The following CFAP69 variants were observed in gnomAD, a reference collection of about 807,000 sequenced individuals.
CFAP69 encodes the protein cilia- and flagella-associated protein 69.
CFAP69 carries 92 observed loss-of-function variants against 123.0 expected under a neutral mutation model. That is an observed-to-expected ratio of 0.75 (90% CI 0.63 to 0.89). The LOEUF (loss-of-function observed/expected upper bound fraction) is 0.89, where lower values mean the gene tolerates loss of function less well. Among genes scored for constraint, CFAP69 ranks in the 40% least tolerant of loss-of-function variants. The pLI is 0.00. For missense variants in CFAP69, 1,067 were observed against 1,096.9 expected (o/e 0.97, Z 0.39); for synonymous variants, 380 against 364.3 (o/e 1.04, Z -0.49).
At chr7:90,311,897 G>A (rs545158187), downstream of CFAP69, among the ~76,000 whole-genome samples, 2 of 152,200 alleles carry the variant, frequency 1.3e-5, no homozygotes, top group East Asian at 1.9e-4. Context: ...ATATTAGAAG[G>A]CATAATTTGT....
At chr7:90,287,491 A>G in intron 14 of CFAP69, 1 of 985,378 alleles carries the variant, frequency 1.0e-6, no homozygotes, top group Non-Finnish European at 1.2e-6. Context: ...ATCCCCTTTT[A>G]TCTTTTTTAG....
the CFAP69 span, chr7:90,319,307 A>G: frequency 5.0e-6 from 2 of 398,400 alleles, no homozygotes; most frequent in African/African-American, 4.1e-5. Context: ...TTAAATAGTG[A>G]CTTTTAAAGA....
rs531474543 is a variant in CFAP69, at chr7:90,274,220, T to A, written c.984+110T>A. 1.2e-5 allele frequency: 16 copies of A among 1,281,228 alleles called. No homozygotes were observed. The African/African-American group carries it at 1.5e-4, about 12-fold the overall frequency. 79.4% of individuals were successfully genotyped at this position (1,281,228 alleles called of 1,614,324 possible). On this transcript the variant is annotated intron_variant, in intron 9 of 22. Coordinates refer to ENST00000389297, the MANE Select transcript of CFAP69 (RefSeq NM_001039706.3). ...TGTGTATTTTCTTGTAATGCTAAGTTATGCTGTAATATCTTGATGGTCACC... is the reference window on the plus strand; with the variant it reads ...TGTGTATTTTCTTGTAATGCTAAGTAATGCTGTAATATCTTGATGGTCACC...
At chr7:90,315,272 A>G (rs1794697724), downstream of CFAP69, among the ~76,000 whole-genome samples, 1 of 152,186 alleles carries the variant, frequency 6.6e-6, no homozygotes, top group Admixed American at 6.5e-5. Context: ...TCAGGGGAAT[A>G]TAAATCATTC....
chr7:90,309,277 T>G lies in CFAP69; in HGVS notation c.2565T>G (p.Leu855=). Residue 855 remains leucine (L), a synonymous_variant, in exon 22 of 23, where the codon CTT becomes CTG. Transcript: ENST00000389297. The part of the protein sequence containing the change: ...NAKTLKKAKS[L]QEKAIEASRY... ...AAAATCCTCAGAAAGCAAAAAGCCT[T>G]CAAGAAAAAGCTATAGAAGCCTCCA... 2 of 1,536,426 alleles carry G rather than the reference T, an allele frequency of 1.3e-6. No homozygotes were observed. The highest frequency in any genetic ancestry group is 1.8e-6 in the Non-Finnish European group (2 of 1,141,850).
At chr7:90,317,182 G>T in the CFAP69 span, 1 of 151,862 alleles carries the variant, frequency 6.6e-6, no homozygotes, top group Non-Finnish European at 1.5e-5. Flanking sequence ...TTCTTGGCAA[G>T]ATTAACTCAA....
At chr7:90,293,136 C>T (rs560751849) in intron 15 of CFAP69, among the ~76,000 whole-genome samples, 8 of 152,140 alleles carry the variant, frequency 5.3e-5, no homozygotes, top group Non-Finnish European at 1.2e-4. Context: ...ATACCAATAA[C>T]ACATTTATGC....
At chr7:90,321,511 G>A in the CFAP69 span, among the ~76,000 whole-genome samples, 1 of 152,214 alleles carries the variant, frequency 6.6e-6, no homozygotes, top group Non-Finnish European at 1.5e-5. Context: ...AAGGCTCAGG[G>A]TCTTCTTCGC....
chr7:90,286,545 G>A, intron 14 of CFAP69, 146 bp downstream of exon 14: 1 of 789,068 alleles, frequency 1.3e-6, no homozygotes, highest in Middle Eastern at 3.6e-4. Flanking sequence ...AAAGTAAAAG[G>A]TACAGAATAT....
intron 19 of CFAP69, among the ~76,000 whole-genome samples, chr7:90,306,375 A>G (rs992806435): frequency 4.6e-5 from 7 of 152,202 alleles, no homozygotes; most frequent in African/African-American, 1.4e-4. Flanking sequence ...AGCCACTGAC[A>G]TGATGGAACC....
rs2117395442 is a variant in CFAP69 at position 90,304,125 on chromosome 7, A to AT, written c.2188+22dup. The stretch of plus-strand genomic sequence containing the variant: ...AAACTAGGTAAGAAGTTCTCTTCAA[A>AT]TTTGCAAGAGTCTGTTTTGCTAAGT... On this transcript the variant is annotated intron_variant, in intron 18 of 22. Coordinates refer to ENST00000389297, the MANE Select transcript of CFAP69 (RefSeq NM_001039706.3). 1 of 1,542,494 alleles carries AT rather than the reference A, an allele frequency of 6.5e-7. No homozygotes were observed. The highest frequency in any genetic ancestry group is 2.0e-5 in the Admixed American group (1 of 49,984).
chr7:90,312,283 C>G (rs1195048965), downstream of CFAP69, among the ~76,000 whole-genome samples: 1 of 152,176 alleles, frequency 6.6e-6, no homozygotes, highest in Non-Finnish European at 1.5e-5. Context: ...GTATTTACTT[C>G]ATAACATGAT....
downstream of CFAP69, among the ~76,000 whole-genome samples, chr7:90,311,309 G>A (rs1794307718): frequency 2.0e-5 from 3 of 152,152 alleles, no homozygotes; most frequent in African/African-American, 7.2e-5. Context: ...AGAGAGACAA[G>A]GACCTGTTTC....
At chr7:90,297,932 C>G in intron 16 of CFAP69, 102 bp downstream of exon 16, 1 of 744,462 alleles carries the variant, frequency 1.3e-6, no homozygotes, top group Non-Finnish European at 2.2e-6. Context: ...AATAAATGTG[C>G]CCCAAATCAT....
chr7:90,309,238 T>G (rs1216661050), intron 21 of CFAP69, 25 bp from the exon 22 acceptor site: 1 of 1,133,536 alleles, frequency 8.8e-7, no homozygotes, highest in Non-Finnish European at 1.3e-6. Context: ...AATTAATATT[T>G]TCTTTCTAAT....
intron 3 of CFAP69, among the ~76,000 whole-genome samples, chr7:90,258,446 C>T (rs1797913510): frequency 6.6e-6 from 1 of 152,090 alleles, no homozygotes; most frequent in Admixed American, 6.5e-5. Flanking sequence ...ACATTCCTTG[C>T]CTCATGCCCT....
chr7:90,307,721 A>C, intron 20 of CFAP69, 47 bp from the exon 21 acceptor site: 1 of 1,362,648 alleles, frequency 7.3e-7, no homozygotes, highest in Non-Finnish European at 1.0e-6. Context: ...CTCAAAAAAA[A>C]AAAAGAAAAA....
At chr7:90,304,676 T>C in intron 18 of CFAP69, 68 bp from the exon 19 acceptor site, 1 of 1,206,984 alleles carries the variant, frequency 8.3e-7, no homozygotes, top group East Asian at 4.0e-5. Context: ...GATAGATAGA[T>C]AGATAGATAG....
In CFAP69 at chr7:90,284,252, ATGG is replaced by A. The variant is rs767951101; in HGVS notation, c.1537+1197_1537+1199del. ...GGGACCTTGTCTTATTGAGTCTAAC[ATGG>A]CTGTGTAGTAGTAACGTGCTCAATA... is the stretch of plus-strand genomic sequence containing the variant. On this transcript the variant is annotated intron_variant, in intron 13 of 22. Transcript: ENST00000389297. 8.4e-3 allele frequency among the ~76,000 whole-genome samples: 1,283 copies of A among 152,268 alleles called. 9 individuals are homozygous for A. The highest frequency in any genetic ancestry group is 0.061 in the Middle Eastern group (18 of 294).
Sources: allele counts gnomAD v4.1 joint callset (sites outside exome capture counted in the v4.1 genomes callset), GRCh38; gene constraint gnomAD v4.1.1; transcripts MANE v1.5; gene names NCBI Gene and HGNC (gene_info 2026-07-23, HGNC 2026-07-21).